Variants in MIPEP observed in about 807,000 individuals in gnomAD.
MIPEP encodes mitochondrial intermediate peptidase.
In MIPEP, 79 loss-of-function variants were observed where a neutral mutation model predicts 90.3. The ratio of observed to expected loss-of-function variants is 0.87; its 90% confidence interval spans 0.73 to 1.05. MIPEP has a LOEUF of 1.05. Ranked by LOEUF, MIPEP falls within the 50% of genes least tolerant of loss-of-function variation. The probability of loss-of-function intolerance (pLI) is 0.00; values close to 1 mark genes in which losing one functional copy is unlikely to be tolerated. For missense variants in MIPEP, 940 were observed against 905.6 expected (o/e 1.04, Z -0.49); for synonymous variants, 334 against 315.8 (o/e 1.06, Z -0.61).
intron 13 of MIPEP, among the ~76,000 whole-genome samples, chr13:23,836,945 A>G (rs1236381468): frequency 2.0e-5 from 3 of 152,234 alleles, no homozygotes; most frequent in African/African-American, 7.2e-5. Context: ...AAGTTAGTTA[A>G]CAAATGCTGG....
rs78636305 is a variant in MIPEP at position 23,741,077 on chromosome 13, G to A, written c.2045-10632C>T. ...GACACCCAGGACAAATACCTCATCA[G>A]TTCTTTAAAATCAAAGCTAAAAAAT... On this transcript the variant is annotated intron_variant, in intron 18 of 18. Coordinates refer to ENST00000382172, the MANE Select transcript of MIPEP (RefSeq NM_005932.4). Among the ~76,000 whole-genome samples the A allele has an allele frequency of 6.9e-3, 1,058 of 152,238 alleles. 19 individuals carry two copies. Among genetic ancestry groups the A allele is most frequent in the African/African-American group, 0.025 (1,019 of 41,530 alleles).
intron 10 of MIPEP, among the ~76,000 whole-genome samples, chr13:23,845,492 C>T (rs1566015270): frequency 6.6e-6 from 1 of 152,092 alleles, no homozygotes; most frequent in Non-Finnish European, 1.5e-5. Flanking sequence ...TAGGCCACAC[C>T]CAGAGCTCAC....
At chr13:23,885,919 A>T (rs1249108496) in intron 2 of MIPEP, among the ~76,000 whole-genome samples, 3 of 151,350 alleles carry the variant, frequency 2.0e-5, no homozygotes, top group Non-Finnish European at 4.4e-5. Context: ...TATTAAAAAA[A>T]AAAAAAAAAG....
chr13:23,771,503 T>C (rs1340668155), intron 16 of MIPEP, among the ~76,000 whole-genome samples: 1 of 150,626 alleles, frequency 6.6e-6, no homozygotes, highest in Non-Finnish European at 1.5e-5. Context: ...TATCAACAAA[T>C]AGGTAACATG....
At chr13:23,821,866 GTGT>G (rs750649687) in intron 14 of MIPEP, among the ~76,000 whole-genome samples, 2 of 152,202 alleles carry the variant, frequency 1.3e-5, no homozygotes, top group South Asian at 2.1e-4. Context: ...TTTAATAATT[GTGT>G]TGTTATTATT....
At position 23,837,724 on chromosome 13, in the gene MIPEP, T is replaced by C; in HGVS notation, c.1371A>G (p.Leu457=). 1 of 1,613,944 alleles carries C rather than the reference T, an allele frequency of 6.2e-7. No individual in the cohort carries two copies. Among genetic ancestry groups the C allele is most frequent in the Non-Finnish European group, 8.5e-7 (1 of 1,179,754 alleles). The change falls in exon 13 of 19, where the codon CTA becomes CTG. Residue 457 remains leucine, a synonymous_variant. Coordinates refer to ENST00000382172, the MANE Select transcript of MIPEP (RefSeq NM_005932.4). ...DCHFTIRGGR[L]KEDGDYQLPV... is the part of the protein sequence containing the mutation. The stretch of plus-strand genomic sequence containing the variant: ...GGAGTTGATAGTCTCCATCTTCCTT[T>C]AGTCTGCCTCCACGGATAGTGAAAT...
chr13:23,799,000 G>GT (rs765292524), intron 16 of MIPEP, among the ~76,000 whole-genome samples: 38,344 of 89,116 alleles, frequency 0.43, 9,230 homozygotes, highest in East Asian at 0.75. Flanking sequence ...AATTTTTTTG[G>GT]TTTTTTTTTT....
intron 14 of MIPEP, among the ~76,000 whole-genome samples, chr13:23,815,849 C>T (rs1187908152): frequency 6.6e-6 from 1 of 152,064 alleles, no homozygotes; most frequent in African/African-American, 2.4e-5. Context: ...ATTTTCTCCA[C>T]CTTAAGTAGA....
At position 23,876,672 on chromosome 13, in the gene MIPEP, C is replaced by T. The variant is rs138284751; in HGVS notation, c.540-1763G>A. 3.6e-4 allele frequency among the ~76,000 whole-genome samples: 54 copies of T among 149,218 alleles called. No homozygotes were observed. The East Asian group carries it at 0.011, about 30-fold the overall frequency. On this transcript the variant is annotated intron_variant, in intron 4 of 18. Coordinates refer to ENST00000382172, the MANE Select transcript of MIPEP (RefSeq NM_005932.4). The stretch of plus-strand genomic sequence containing the variant: ...ATATTAACTCTTTGTCATATCAGAA[C>T]CATTTGTCAACATTTGTGTGTTCTG...
At chr13:23,854,144 T>A (rs963945249) in intron 10 of MIPEP, among the ~76,000 whole-genome samples, 1 of 149,406 alleles carries the variant, frequency 6.7e-6, no homozygotes, top group African/African-American at 2.5e-5. Context: ...GCTAACACGG[T>A]GAAACCTCGT....
At chr13:23,792,324 G>A (rs543833399) in intron 16 of MIPEP, among the ~76,000 whole-genome samples, 12 of 152,132 alleles carry the variant, frequency 7.9e-5, no homozygotes, top group Non-Finnish European at 1.6e-4. Context: ...TTTAGTAGAC[G>A]TCTTAAACTT....
At chr13:23,789,951 T>C (rs563285554) in intron 16 of MIPEP, among the ~76,000 whole-genome samples, 1 of 152,316 alleles carries the variant, frequency 6.6e-6, no homozygotes, top group East Asian at 1.9e-4. Flanking sequence ...CTGCTGAGCT[T>C]TCTAAAATCC....
rs1384399476 is a variant in MIPEP at position 23,836,235 on chromosome 13, C to T, written c.1653+5G>A. 1.9e-6 allele frequency: 3 copies of T among 1,554,262 alleles called. No individual in the cohort carries two copies. Among genetic ancestry groups the T allele is most frequent in the Non-Finnish European group, 2.6e-6 (3 of 1,144,558 alleles). ...AGGACAAGACGACAATATTACTGTTCCTACCTGTCCAGTCTGATAATGTCT... is the reference window on the plus strand; with the variant it reads ...AGGACAAGACGACAATATTACTGTTTCTACCTGTCCAGTCTGATAATGTCT... On this transcript the variant is annotated splice_donor_5th_base_variant and intron_variant, in intron 14 of 18. Transcript: ENST00000382172.
chr13:23,748,214 A>G (rs930136710), intron 18 of MIPEP, among the ~76,000 whole-genome samples: 1 of 152,136 alleles, frequency 6.6e-6, no homozygotes, highest in African/African-American at 2.4e-5. Flanking sequence ...CTAAATCACA[A>G]CTTTTCTACA....
intron 3 of MIPEP, among the ~76,000 whole-genome samples, chr13:23,880,145 T>A (rs1246707360): frequency 6.6e-6 from 1 of 152,108 alleles, no homozygotes; most frequent in Non-Finnish European, 1.5e-5. Flanking sequence ...GTTCCTCAGT[T>A]GGTTCACAAA....
intron 14 of MIPEP, among the ~76,000 whole-genome samples, chr13:23,823,484 C>T (rs189931341): frequency 6.6e-6 from 1 of 152,278 alleles, no homozygotes; most frequent in East Asian, 1.9e-4. Flanking sequence ...GACAGTCCTA[C>T]GTTATGACTG....
Position 23,826,286 on chromosome 13 carries a change from A to G in MIPEP, c.1653+9954T>C, listed in dbSNP as rs79045564. ...TAAATTTTTGCTATATCAAAAAATT[A>G]GTTATATCAAAGATCTAAACAATAC... On this transcript the variant is annotated intron_variant, in intron 14 of 18. Coordinates refer to ENST00000382172, the MANE Select transcript of MIPEP (RefSeq NM_005932.4). Among the ~76,000 whole-genome samples, 1,158 of 152,310 alleles carry G rather than the reference A, an allele frequency of 7.6e-3. 10 individuals are homozygous for G. The highest frequency in any genetic ancestry group is 0.026 in the African/African-American group (1,072 of 41,578).
intron 16 of MIPEP, chr13:23,760,543 G>C (rs1164608831): frequency 1.8e-6 from 1 of 557,924 alleles, no homozygotes; most frequent in Non-Finnish European, 3.6e-6. Context: ...TGGTATCTTG[G>C]AAGAGGAGGA....
intron 14 of MIPEP, among the ~76,000 whole-genome samples, chr13:23,820,163 T>A (rs1473323605): frequency 6.6e-6 from 1 of 152,254 alleles, no homozygotes; most frequent in African/African-American, 2.4e-5. Flanking sequence ...TTTGTATCTA[T>A]AGAATCCAGT....
Sources: gnomAD v4.1 joint callset for allele counts (sites outside exome capture counted in the v4.1 genomes callset) on GRCh38, gnomAD v4.1.1 for gene constraint, MANE v1.5 for transcripts, NCBI Gene and HGNC (gene_info 2026-07-23, HGNC 2026-07-21) for gene names.